SCN2B: variants seen among roughly 807,000 people sequenced by gnomAD.
SCN2B encodes the protein sodium voltage-gated channel beta subunit 2, also known as sodium channel regulatory subunit beta-2.
Under a neutral mutation model 18.2 loss-of-function variants are expected in SCN2B, and 14 were observed. The ratio of observed to expected loss-of-function variants is 0.77; its 90% confidence interval spans 0.51 to 1.21. The LOEUF (loss-of-function observed/expected upper bound fraction) is 1.21. Among genes scored for constraint, SCN2B ranks in the 50% most tolerant of loss-of-function variants. SCN2B has a pLI of 0.00. For missense variants in SCN2B, 262 were observed against 286.9 expected, an observed-to-expected ratio of 0.91 and a Z score of 0.63; for synonymous variants, 115 against 115.3, an observed-to-expected ratio of 1.00 and a Z score of 0.02.
chr11:118,176,471 A>T lies in SCN2B; in HGVS notation c.-40T>A. On this transcript the variant is annotated 5_prime_UTR_variant, in exon 1 of 4. Coordinates refer to ENST00000278947, the MANE Select transcript of SCN2B (RefSeq NM_004588.5). ...ATGTTAGTCGGGTGGGCTACGGGAG[A>T]GGGTGATTTGAGGGGGCGAGAACTA... 1 of 1,542,760 alleles carries T rather than the reference A, an allele frequency of 6.5e-7. No homozygotes were observed. The highest frequency in any genetic ancestry group is 9.0e-7 in the Non-Finnish European group (1 of 1,115,456).
rs1350926257 is a variant in SCN2B, at chr11:118,166,827, A to G, written c.*60T>C. On this transcript the variant is annotated 3_prime_UTR_variant, in exon 4 of 4. Transcript: ENST00000278947. ...ACACCAAGAGCGAGCAGGCAGGGTC[A>G]CTGTACAGGGCGGAGAGGGGAGGAG... The G allele has an allele frequency of 1.3e-6, 2 of 1,596,074 alleles. No homozygotes were observed. The highest frequency in any genetic ancestry group is 1.7e-5 in the Admixed American group (1 of 59,958).
chr11:118,172,267 C>T (rs1305775215), intron 1 of SCN2B, among the ~76,000 whole-genome samples: 1 of 152,278 alleles, frequency 6.6e-6, no homozygotes, highest in East Asian at 1.9e-4. Flanking sequence ...ACATACTCTA[C>T]ATACATCACC....
At chr11:118,172,778 G>A (rs1353896179) in intron 1 of SCN2B, among the ~76,000 whole-genome samples, 1 of 152,142 alleles carries the variant, frequency 6.6e-6, no homozygotes, top group Non-Finnish European at 1.5e-5. Flanking sequence ...ATCTTGCAGA[G>A]ACTATAAAAA....
At chr11:118,171,044 T>A (rs1948427278) in intron 1 of SCN2B, among the ~76,000 whole-genome samples, 1 of 152,118 alleles carries the variant, frequency 6.6e-6, no homozygotes, top group Non-Finnish European at 1.5e-5. Flanking sequence ...AGCACCCTTC[T>A]GCCAGCCCCG....
intron 1 of SCN2B, among the ~76,000 whole-genome samples, chr11:118,170,257 A>G (rs1431232721): frequency 6.6e-6 from 1 of 152,176 alleles, no homozygotes; most frequent in Non-Finnish European, 1.5e-5. Context: ...GTAGAGGGGC[A>G]TTGTCTGATG....
In SCN2B at chr11:118,168,114, C is replaced by G. The variant is rs1193036142; in HGVS notation, c.419G>C (p.Gly140Ala). Residue 140 changes from glycine (G) to alanine (A), a missense_variant, in exon 3 of 4, where the codon GGC (glycine) becomes GCC (alanine). By Grantham distance (60) the Gly-to-Ala change is moderately conservative. Transcript: ENST00000278947. The surrounding 1 kb of genome is among the most constrained non-coding windows in gnomAD (Gnocchi z 4.7). The part of the protein sequence containing the change: ...MNPPDRHRGH[G>A]KIHLQVLMEE... The stretch of plus-strand genomic sequence containing the variant: ...CATGAGGACCTGCAGATGGATCTTG[C>G]CATGGCCACGGTGGCGGTCAGGGGG... 4 of 1,614,078 alleles carry G rather than the reference C, an allele frequency of 2.5e-6. No individual in the cohort carries two copies. The highest frequency in any genetic ancestry group is 3.4e-6 in the Non-Finnish European group (4 of 1,179,990).
At position 118,163,196 on chromosome 11, in the gene SCN2B, A is replaced by G. The variant is rs551078829; in HGVS notation, c.*3691T>C. The G allele has an allele frequency of 6.5e-5, 10 of 152,704 alleles. No homozygotes were observed. The South Asian group carries it at 2.1e-3, about 32-fold the overall frequency. 9.5% of individuals were successfully genotyped at this position (152,704 alleles called of 1,614,324 possible). A position where few individuals can be genotyped will look rare whatever the true frequency, so the allele number is the denominator to read the frequency against. On this transcript the variant is annotated 3_prime_UTR_variant, in exon 4 of 4. Transcript: ENST00000278947. ...TAGAGAGAGAGACTATGTACAGTGC[A>G]TCAGCAAGCTTCAATAAAGGAAGAC...
Position 118,168,266 on chromosome 11 carries a change from G to T in SCN2B, c.267C>A (p.Asn89Lys). The change falls in exon 3 of 4, where the codon AAC (asparagine) becomes AAA (lysine). Residue 89 changes from asparagine to lysine, a missense_variant. Transcript: ENST00000278947. This position sits in a 1 kb window ranked among gnomAD's most constrained non-coding sequence, Gnocchi z 4.7. ...MFLQFRMKII[N>K]LKLERFQDRV... ...GGTCTTGAAACCGCTCCAGCTTCAG[G>T]TTAATGATCTTCATGCGGAACTGGA... 1.2e-6 allele frequency: 2 copies of T among 1,614,212 alleles called. No homozygotes were observed. The highest frequency in any genetic ancestry group is 1.7e-6 in the Non-Finnish European group (2 of 1,180,034).
intron 1 of SCN2B, among the ~76,000 whole-genome samples, chr11:118,169,300 GT>G (rs1317599475): frequency 6.6e-6 from 1 of 152,164 alleles, no homozygotes; most frequent in African/African-American, 2.4e-5. Context: ...ACTTGCCCCA[GT>G]TCTGTCACAT....
rs1440097220 is a variant in SCN2B at position 118,164,231 on chromosome 11, A to C, written c.*2656T>G. ...GTTCCCAACATCAGCACAGCTCCTC[A>C]CTCATCCTGGGAGAGAAGGACACTT... On this transcript the variant is annotated 3_prime_UTR_variant, in exon 4 of 4. Transcript: ENST00000278947. 2.0e-5 allele frequency: 3 copies of C among 152,428 alleles called. No individual in the cohort carries two copies. The allele number at this position is 152,428 out of a possible 1,614,324, so 9.4% of individuals were successfully genotyped here.
chr11:118,169,819 G>A (rs1469773383), intron 1 of SCN2B, among the ~76,000 whole-genome samples: 3 of 152,280 alleles, frequency 2.0e-5, no homozygotes, highest in East Asian at 3.9e-4. Flanking sequence ...GTCCCACTCC[G>A]ACATTCTAAG....
intron 1 of SCN2B, among the ~76,000 whole-genome samples, chr11:118,171,761 A>G (rs1212326838): frequency 1.3e-5 from 2 of 152,208 alleles, no homozygotes; most frequent in African/African-American, 4.8e-5. Flanking sequence ...CCCACCCTGC[A>G]GCGGGGCCCT....
Position 118,168,317 on chromosome 11 carries a change from G to C in SCN2B, c.238-22C>G, listed in dbSNP as rs1365124448. On this transcript the variant is annotated intron_variant, in intron 2 of 3. Transcript: ENST00000278947. The surrounding 1 kb of genome is among the most constrained non-coding windows in gnomAD (Gnocchi z 4.7). ...GGAACTGGGGTTGGAGCAAGGGACA[G>C]GATGGGTGGCTGGATGAGCAAGGAA... 6.2e-7 allele frequency: 1 copy of C among 1,604,060 alleles called. No homozygotes were observed. The highest frequency in any genetic ancestry group is 2.2e-5 in the East Asian group (1 of 44,856).
chr11:118,176,336 G>A (rs757692393), intron 1 of SCN2B, 26 bp downstream of exon 1: 41 of 1,604,022 alleles, frequency 2.6e-5, no homozygotes, highest in Non-Finnish European at 3.5e-5. Context: ...TGAACCCTCG[G>A]GAGCATGCAG....
At chr11:118,169,414 C>G (rs531343277) in intron 1 of SCN2B, among the ~76,000 whole-genome samples, 1 of 152,304 alleles carries the variant, frequency 6.6e-6, no homozygotes, top group South Asian at 2.1e-4. Context: ...ACCCTTCCAG[C>G]TGAAACTGCA....
chr11:118,167,613 G>A (rs962240788), intron 3 of SCN2B, among the ~76,000 whole-genome samples: 2 of 152,208 alleles, frequency 1.3e-5, no homozygotes, highest in African/African-American at 4.8e-5. Flanking sequence ...CTGGAGTGCA[G>A]TGGCACAATC....
chr11:118,172,856 C>G (rs1201864159), intron 1 of SCN2B, among the ~76,000 whole-genome samples: 2 of 151,866 alleles, frequency 1.3e-5, no homozygotes, highest in Admixed American at 1.3e-4. Flanking sequence ...CTCTTTCCAC[C>G]CTACAGCAAC....
intron 1 of SCN2B, among the ~76,000 whole-genome samples, chr11:118,170,878 A>G (rs1948425799): frequency 6.6e-6 from 1 of 152,180 alleles, no homozygotes; most frequent in Non-Finnish European, 1.5e-5. Context: ...GCCTGGCCTG[A>G]GGGCACCTTG....
chr11:118,176,323 T>C (rs753755822), intron 1 of SCN2B, 39 bp downstream of exon 1: 4 of 1,571,900 alleles, frequency 2.5e-6, no homozygotes, highest in South Asian at 1.1e-5. Context: ...GCGGCTACAC[T>C]TCTGAACCCT....
Sources: gnomAD v4.1 joint callset for allele counts (sites outside exome capture counted in the v4.1 genomes callset) on GRCh38, gnomAD v4.1.1 for gene constraint, Gnocchi (gnomAD v3.1) non-coding constraint, MANE v1.5 for transcripts, NCBI Gene and HGNC (gene_info 2026-07-23, HGNC 2026-07-21) for gene names.